Variants in DMBT1 observed in about 807,000 individuals in gnomAD.
DMBT1 encodes deleted in malignant brain tumors 1.
In DMBT1, 198 loss-of-function variants were observed where a neutral mutation model predicts 252.9. The ratio of observed to expected loss-of-function variants is 0.78; its 90% CI spans 0.70 to 0.88. The LOEUF is 0.88. DMBT1 is among the 40% of genes least tolerant of loss of function. DMBT1 has a pLI of 0.00. For missense variants in DMBT1, 2,432 were observed against 2,404.7 expected, an observed-to-expected ratio of 1.01 and a Z score of -0.24; for synonymous variants, 990 against 942.7, an observed-to-expected ratio of 1.05 and a Z score of -0.92.
rs759311895 is a variant in DMBT1, at chr10:122,579,758, C to A, written c.860C>A (p.Ala287Asp). 446 of 1,613,800 alleles carry A rather than the reference C, an allele frequency of 2.8e-4. No homozygotes were observed. Among genetic ancestry groups the A allele is most frequent in the Non-Finnish European group, 3.6e-4 (430 of 1,179,770 alleles). ...TGGGCCATGTCAGCCCCAGGAAATGCCCAGTTTGGCCAGGGCTCAGGACCC... is the reference window on the plus strand; with the variant it reads ...TGGGCCATGTCAGCCCCAGGAAATGACCAGTTTGGCCAGGGCTCAGGACCC... ...CGWAMSAPGN[A>D]QFGQGSGPIV... The change falls in exon 10 of 56, where the codon GCC becomes GAC. Residue 287 changes from alanine (A) to aspartate (D), a missense_variant. Around this residue, in one of 3 missense-constraint regions of DMBT1, gnomAD observed 1,264 missense variants for 1,082.2 expected, o/e 1.17. Transcript: ENST00000338354.
intron 55 of DMBT1, among the ~76,000 whole-genome samples, chr10:122,642,180 A>AAAC (rs34184763): frequency 0.11 from 16,140 of 151,602 alleles, 944 homozygotes; most frequent in African/African-American, 0.16. Context: ...ACTGTGAAAA[A>AAAC]AAAAACAAAA....
Position 122,599,098 on chromosome 10 carries a change from G to T in DMBT1, c.3280+1G>T. On this transcript the variant is annotated splice_donor_variant, in intron 26 of 55. Transcript: ENST00000338354. LOFTEE classifies it high-confidence loss of function. ...GAAGACGCTGGTGTCATCTGCTCAG[G>T]TGGGCCTTCAAGAACTTGGGATCAC... The T allele has an allele frequency of 6.2e-6, 10 of 1,613,844 alleles. No homozygotes were observed. Among genetic ancestry groups the T allele is most frequent in the Non-Finnish European group, 8.5e-6 (10 of 1,179,758 alleles).
chr10:122,630,330 C>A lies in DMBT1; in HGVS notation c.5865C>A (p.Ile1955=), dbSNP rs1399191690. Residue 1955 remains isoleucine (I), a synonymous_variant, in exon 48 of 56, where the codon ATC becomes ATA. Transcript: ENST00000338354. ...HHNCSFDYVE[I]FDGSLNSSLL... Reference sequence around the variant, plus strand: ...ACTGCAGTTTTGATTATGTTGAAATCTTTGATGGATCATTGAATAGCAGTC... The same window carrying A: ...ACTGCAGTTTTGATTATGTTGAAATATTTGATGGATCATTGAATAGCAGTC... The A allele has an allele frequency of 4.3e-6, 7 of 1,614,036 alleles. No homozygotes were observed. Among genetic ancestry groups the A allele is most frequent in the Non-Finnish European group, 5.9e-6 (7 of 1,179,890 alleles).
intron 16 of DMBT1, among the ~76,000 whole-genome samples, chr10:122,586,840 G>A (rs535794330): frequency 6.7e-6 from 1 of 148,400 alleles, no homozygotes; most frequent in East Asian, 2.1e-4. Context: ...GCTGGCCTGG[G>A]CAGAGGTCAC....
chr10:122,635,491 G>A (rs889762190), intron 52 of DMBT1, among the ~76,000 whole-genome samples: 2 of 152,146 alleles, frequency 1.3e-5, no homozygotes, highest in Admixed American at 6.5e-5. Context: ...TGGAGGTTGA[G>A]GGAAGATGAG....
chr10:122,621,397 T>C lies in DMBT1; in HGVS notation c.5608+17T>C, dbSNP rs2098067165. ...TCTGCTCAGGTGGGCCTTCAAGACC[T>C]GGGGCTCCCTCTCTTGGGGTGGAGT... On this transcript the variant is annotated intron_variant, in intron 44 of 55. Transcript: ENST00000338354. The C allele has an allele frequency of 1.9e-6, 3 of 1,613,810 alleles. No homozygotes were observed. The highest frequency in any genetic ancestry group is 1.3e-5 in the African/African-American group (1 of 75,060).
intron 6 of DMBT1, among the ~76,000 whole-genome samples, chr10:122,575,313 G>C (rs1344418419): frequency 1.3e-5 from 2 of 152,200 alleles, no homozygotes; most frequent in African/African-American, 4.8e-5. Flanking sequence ...ATCGGAATCA[G>C]AGTGAGTATG....
chr10:122,634,599 C>T (rs1283736094), intron 52 of DMBT1, among the ~76,000 whole-genome samples: 3 of 151,540 alleles, frequency 2.0e-5, no homozygotes, highest in Admixed American at 6.6e-5. Context: ...CGGGTTCAAG[C>T]GATTCTCCTG....
intron 20 of DMBT1, among the ~76,000 whole-genome samples, chr10:122,592,870 C>T (rs2097860831): frequency 2.7e-5 from 4 of 148,440 alleles, no homozygotes; most frequent in Admixed American, 2.0e-4. Flanking sequence ...AAACTGCTGG[C>T]TCCCCAGGGT....
intron 41 of DMBT1, among the ~76,000 whole-genome samples, chr10:122,618,761 G>A (rs2098028826): frequency 6.6e-6 from 1 of 152,242 alleles, no homozygotes; most frequent in Non-Finnish European, 1.5e-5. Context: ...GTTCTCAGCT[G>A]AGACCCAGTG....
Position 122,643,169 on chromosome 10 carries a change from G to T in DMBT1, c.7400G>T (p.Arg2467Leu). Residue 2467 changes from arginine (R) to leucine (L), a missense_variant, in exon 56 of 56, where the codon CGC becomes CTC. Around this residue, in one of 3 missense-constraint regions of DMBT1, gnomAD observed 1,162 missense variants for 1,169.0 expected, o/e 0.99. Transcript: ENST00000338354. ...TYGPYSSPSL[R>L]IARFRFRAFH... ...GGACCCTACTCCTCGCCATCTCTTC[G>T]CATTGCCCGCTTCCGGTTCAGGGCC... 1 of 1,613,932 alleles carries T rather than the reference G, an allele frequency of 6.2e-7. No individual in the cohort carries two copies. Among genetic ancestry groups the T allele is most frequent in the Non-Finnish European group, 8.5e-7 (1 of 1,179,880 alleles).
At chr10:122,640,917 A>G (rs571666282) in intron 55 of DMBT1, among the ~76,000 whole-genome samples, 1 of 152,332 alleles carries the variant, frequency 6.6e-6, no homozygotes, top group Non-Finnish European at 1.5e-5. Flanking sequence ...AAGCACCTCT[A>G]TGGACCAGTT....
At chr10:122,599,404 G>A (rs1169063513) in intron 26 of DMBT1, among the ~76,000 whole-genome samples, 2 of 152,198 alleles carry the variant, frequency 1.3e-5, no homozygotes, top group African/African-American at 4.8e-5. Flanking sequence ...GTAGCACGGT[G>A]TGAGGGTATA....
At chr10:122,577,975 G>C in intron 8 of DMBT1, 135 bp downstream of exon 8, 1 of 947,268 alleles carries the variant, frequency 1.1e-6, no homozygotes, top group Non-Finnish European at 1.6e-6. Flanking sequence ...CTGTAACTGA[G>C]ACCCTAGCAT....
chr10:122,565,393 C>T (rs560913782), intron 1 of DMBT1, among the ~76,000 whole-genome samples: 3 of 152,222 alleles, frequency 2.0e-5, no homozygotes, highest in African/African-American at 4.8e-5. Flanking sequence ...TATCAACACT[C>T]ACGAGTATAG....
rs182291307 is a variant in DMBT1 at position 122,599,088 on chromosome 10, A to G, written c.3271A>G (p.Ile1091Val). 5.3e-4 allele frequency: 858 copies of G among 1,613,858 alleles called. 3 individuals carry two copies. The African/African-American group carries it at 9.1e-3, about 17-fold the overall frequency. Reference sequence around the variant, plus strand: ...TGGCCATAGTGAAGACGCTGGTGTCATCTGCTCAGGTGGGCCTTCAAGAAC... The same window carrying G: ...TGGCCATAGTGAAGACGCTGGTGTCGTCTGCTCAGGTGGGCCTTCAAGAAC... Reference protein sequence around the residue: ...NCGHSEDAGVICSASQSRPTP... With the variant: ...NCGHSEDAGVVCSASQSRPTP... The change falls in exon 26 of 56, where the codon ATC (isoleucine) becomes GTC (valine). Residue 1091 changes from isoleucine (I) to valine (V), a missense_variant. Physicochemically the swap from Ile to Val is conservative, Grantham distance 29 (BLOSUM62 3). Around this residue, in one of 3 missense-constraint regions of DMBT1, gnomAD observed 1,264 missense variants for 1,082.2 expected, o/e 1.17. Coordinates refer to ENST00000338354, the MANE Select transcript of DMBT1 (RefSeq NM_001377530.1).
chr10:122,574,711 C>T (rs2097696638), intron 6 of DMBT1, among the ~76,000 whole-genome samples: 1 of 152,148 alleles, frequency 6.6e-6, no homozygotes, highest in Non-Finnish European at 1.5e-5. Flanking sequence ...AGTGGTTTCC[C>T]CTGAGGTCCC....
intron 10 of DMBT1, among the ~76,000 whole-genome samples, chr10:122,580,487 G>A (rs992999434): frequency 3.3e-5 from 5 of 152,188 alleles, no homozygotes; most frequent in Non-Finnish European, 5.9e-5. Context: ...TCCCCATGAG[G>A]CCAGCCAGAC....
rs780513072 is a variant in DMBT1, at chr10:122,621,321, A to C, written c.5549A>C (p.His1850Pro). 1.0e-4 allele frequency: 168 copies of C among 1,613,676 alleles called. No individual in the cohort carries two copies. The highest frequency in any genetic ancestry group is 7.7e-4 in the Admixed American group (46 of 59,998). The part of the protein sequence containing the change: ...GNESYLWSCP[H>P]KGWLTHNCGH... ...GAGTCCTACCTGTGGAGCTGCCCCC[A>C]CAAAGGCTGGCTCACCCACAACTGT... The change falls in exon 44 of 56, where the codon CAC becomes CCC. Residue 1850 changes from histidine (H) to proline (P), a missense_variant. His to Pro is a moderately conservative substitution (Grantham distance 77). This residue lies in a region of DMBT1 where 1,162 missense variants were observed against 1,169.0 expected (regional missense o/e 0.99). Transcript: ENST00000338354.
Sources: allele counts gnomAD v4.1 joint callset (sites outside exome capture counted in the v4.1 genomes callset), GRCh38; gene constraint gnomAD v4.1.1; regional missense constraint gnomAD v4.1.1; transcripts MANE v1.5; gene names NCBI Gene and HGNC (gene_info 2026-07-23, HGNC 2026-07-21).